The following THSD7A variants were observed in gnomAD, a reference collection of about 807,000 sequenced individuals.
The protein encoded by THSD7A is thrombospondin type-1 domain-containing protein 7A.
THSD7A carries 96 observed loss-of-function variants against 231.3 expected under a neutral mutation model. That is an observed-to-expected ratio of 0.41 (90% CI 0.35 to 0.49). The LOEUF (loss-of-function observed/expected upper bound fraction) is 0.49. Among genes scored for constraint, THSD7A ranks in the 20% least tolerant of loss-of-function variants. The pLI, the probability that THSD7A is intolerant of heterozygous loss-of-function variation, is 0.05. For missense variants in THSD7A, 2,290 were observed against 2,070.2 expected (o/e 1.11, Z -2.06); for synonymous variants, 940 against 743.3 (o/e 1.26, Z -4.30).
intron 13 of THSD7A, among the ~76,000 whole-genome samples, chr7:11,432,456 G>A (rs188937688): frequency 2.0e-5 from 3 of 152,134 alleles, no homozygotes; most frequent in Admixed American, 1.3e-4. Context: ...ACTCTCCTCC[G>A]TATTCCCTTG....
At position 11,814,356 on chromosome 7, in the gene THSD7A, G is replaced by A. The variant is rs1482643498; in HGVS notation, c.190+17401C>T. On this transcript the variant is annotated intron_variant, in intron 1 of 27. Coordinates refer to ENST00000423059, the MANE Select transcript of THSD7A (RefSeq NM_015204.3). This position sits in a 1 kb window ranked among gnomAD's most constrained non-coding sequence, Gnocchi z 5.1. ...TATTCAGCACGTGACAAACAAAGGAGATTCATCTCATTTATAATAACATGG... is the reference window on the plus strand; with the variant it reads ...TATTCAGCACGTGACAAACAAAGGAAATTCATCTCATTTATAATAACATGG... 6.6e-6 allele frequency among the ~76,000 whole-genome samples: 1 copy of A among 152,044 alleles called. No homozygotes were observed. The highest frequency in any genetic ancestry group is 2.4e-5 in the African/African-American group (1 of 41,414).
chr7:11,530,649 A>G (rs1788667580), intron 6 of THSD7A, among the ~76,000 whole-genome samples: 1 of 152,188 alleles, frequency 6.6e-6, no homozygotes, highest in African/African-American at 2.4e-5. Flanking sequence ...AAAACGGACA[A>G]GACAGATGGT....
chr7:11,544,081 T>C (rs777899964), intron 4 of THSD7A, among the ~76,000 whole-genome samples: 4 of 152,146 alleles, frequency 2.6e-5, no homozygotes, highest in Admixed American at 6.5e-5. Flanking sequence ...CGGTGGTTCA[T>C]GCCTGTAATC....
intron 1 of THSD7A, among the ~76,000 whole-genome samples, chr7:11,638,348 A>G (rs1424194035): frequency 1.3e-5 from 2 of 152,208 alleles, no homozygotes; most frequent in Admixed American, 6.5e-5. Context: ...TTTTAGTTGT[A>G]TGATTTCTCT....
intron 4 of THSD7A, among the ~76,000 whole-genome samples, chr7:11,565,697 T>C (rs1232574000): frequency 6.6e-6 from 1 of 152,210 alleles, no homozygotes; most frequent in African/African-American, 2.4e-5. Context: ...TGTCATCACA[T>C]CGTTTCCTCT....
chr7:11,566,965 T>TAGGGGGGGGGGGGGGG lies in THSD7A; in HGVS notation c.1453+23494_1453+23495insCCCCCCCCCCCCCCCT. Among the ~76,000 whole-genome samples, 3 of 92,302 alleles carry TAGGGGGGGGGGGGGGG rather than the reference T, an allele frequency of 3.3e-5. 1 individual carries two copies. The highest frequency in any genetic ancestry group is 1.7e-4 in the African/African-American group (3 of 18,006). The allele number at this position is 92,302 out of a possible 152,430, so 60.6% of individuals were successfully genotyped here. A position where few individuals can be genotyped will look rare whatever the true frequency, so the allele number is the denominator to read the frequency against. ...CAAAGTGGATCCAGCTGTGGGAGAG[T>TAGGGGGGGGGGGGGGG]GGGGGGGGGACTGACCAACAAAGTT... On this transcript the variant is annotated intron_variant, in intron 4 of 27. Transcript: ENST00000423059.
chr7:11,699,920 T>C (rs1483843990), intron 1 of THSD7A, among the ~76,000 whole-genome samples: 1 of 151,318 alleles, frequency 6.6e-6, no homozygotes, highest in African/African-American at 2.4e-5. Context: ...CCAGTACGTC[T>C]TGTCTTACCC....
chr7:11,440,326 C>T (rs1784763698), intron 13 of THSD7A, among the ~76,000 whole-genome samples: 2 of 152,132 alleles, frequency 1.3e-5, no homozygotes, highest in Admixed American at 1.3e-4. Flanking sequence ...ATGTTGTTTG[C>T]CTGCCTGCTA....
At chr7:11,545,418 AG>A (rs1175569774) in intron 4 of THSD7A, among the ~76,000 whole-genome samples, 5 of 152,216 alleles carry the variant, frequency 3.3e-5, no homozygotes, top group Non-Finnish European at 7.3e-5. Context: ...TGTTTTATTA[AG>A]AAAACAGGTT....
chr7:11,463,438 G>A (rs1282052340), intron 9 of THSD7A, among the ~76,000 whole-genome samples: 1 of 152,120 alleles, frequency 6.6e-6, no homozygotes, highest in Non-Finnish European at 1.5e-5. Context: ...TGGAAGCTGG[G>A]TTTGGGAATA....
intron 6 of THSD7A, among the ~76,000 whole-genome samples, chr7:11,522,284 T>C (rs1788298757): frequency 6.6e-6 from 1 of 152,190 alleles, no homozygotes; most frequent in South Asian, 2.1e-4. Flanking sequence ...AACAAGTACA[T>C]GTTTCCCCAA....
chr7:11,646,711 G>A (rs1782295426), intron 1 of THSD7A, among the ~76,000 whole-genome samples: 1 of 151,978 alleles, frequency 6.6e-6, no homozygotes, highest in Non-Finnish European at 1.5e-5. Flanking sequence ...AGGTAAAGGA[G>A]TCCTATCACA....
chr7:11,687,456 C>A (rs1330558927), intron 1 of THSD7A, among the ~76,000 whole-genome samples: 1 of 151,794 alleles, frequency 6.6e-6, no homozygotes, highest in Admixed American at 6.6e-5. Flanking sequence ...GGCTTATTGT[C>A]ACACACGGCT....
At chr7:11,748,719 A>G (rs1782397105) in intron 1 of THSD7A, among the ~76,000 whole-genome samples, 1 of 152,002 alleles carries the variant, frequency 6.6e-6, no homozygotes. Flanking sequence ...AAGACGTGCT[A>G]TTAAAGGTAC....
At chr7:11,605,060 T>G (rs1289971963) in intron 2 of THSD7A, among the ~76,000 whole-genome samples, 1 of 151,944 alleles carries the variant, frequency 6.6e-6, no homozygotes, top group Non-Finnish European at 1.5e-5. Flanking sequence ...AATGGGTAGG[T>G]TGTATGTCTT....
intron 1 of THSD7A, among the ~76,000 whole-genome samples, chr7:11,670,971 AAT>A (rs1230349562): frequency 3.3e-5 from 5 of 152,166 alleles, no homozygotes; most frequent in Admixed American, 6.5e-5. Context: ...TTCTCTAAAG[AAT>A]ACTATTTTCC....
At chr7:11,419,469 TC>T (rs1784071261) in intron 16 of THSD7A, among the ~76,000 whole-genome samples, 1 of 152,116 alleles carries the variant, frequency 6.6e-6, no homozygotes, top group South Asian at 2.1e-4. Flanking sequence ...TCCTCATGCC[TC>T]CCCAGAAAGA....
chr7:11,651,494 T>TCAA (rs1202720650), intron 1 of THSD7A, among the ~76,000 whole-genome samples: 1 of 49,042 alleles, frequency 2.0e-5, no homozygotes, highest in African/African-American at 4.0e-5. Flanking sequence ...CAACTATCTA[T>TCAA]CTATCTATCT....
rs763168381 is a variant in THSD7A, at chr7:11,379,207, A to C, written c.4664T>G (p.Leu1555Arg). The C allele has an allele frequency of 6.2e-7, 1 of 1,613,662 alleles. No individual in the cohort carries two copies. The highest frequency in any genetic ancestry group is 8.5e-7 in the Non-Finnish European group (1 of 1,179,692). Residue 1555 changes from leucine to arginine, a missense_variant, in exon 26 of 28, where the codon CTT becomes CGT. Leu to Arg is a moderately radical substitution (Grantham distance 102). Transcript: ENST00000423059. ...SSNSTLEQCT[L>R]IPVVVLPTME... ...GGTGGGTAATACCACCACGGGGATA[A>C]GTGTGCATTGCTCAAGGGTGCTGTT...
Sources: allele counts gnomAD v4.1 joint callset (sites outside exome capture counted in the v4.1 genomes callset), GRCh38; gene constraint gnomAD v4.1.1; non-coding constraint Gnocchi (gnomAD v3.1); transcripts MANE v1.5; gene names NCBI Gene and HGNC (gene_info 2026-07-23, HGNC 2026-07-21).